LOC114841035: variants seen among roughly 807,000 people sequenced by gnomAD.
chr11:64,243,321 G>A, the LOC114841035 span: 1 of 1,600,874 alleles, frequency 6.2e-7, no homozygotes, highest in African/African-American at 1.3e-5. Flanking sequence ...GGTGAGTCAT[G>A]GGGGAATGGG....
the LOC114841035 span, chr11:64,241,735 T>G: frequency 1.3e-5 from 2 of 152,154 alleles, no homozygotes; most frequent in Non-Finnish European, 2.9e-5. Flanking sequence ...GGCCGAGAAC[T>G]CCACCGGGAG....
At chr11:64,243,470 C>T in the LOC114841035 span, 3 of 1,613,860 alleles carry the variant, frequency 1.9e-6, no homozygotes, top group Admixed American at 1.7e-5. Flanking sequence ...GGGGGAAAAG[C>T]GCAAGCTGGT....
At chr11:64,241,958 G>C in the LOC114841035 span, 1 of 157,988 alleles carries the variant, frequency 6.3e-6, no homozygotes, top group Admixed American at 6.5e-5. Context: ...GGCCGCAGAG[G>C]TGTTGGTGTG....
At chr11:64,241,158 G>C in the LOC114841035 span, 6 of 152,564 alleles carry the variant, frequency 3.9e-5, no homozygotes, top group African/African-American at 1.2e-4. Context: ...AGCCCGGGCT[G>C]GGGGGAGCCG....
chr11:64,243,916 C>CCCACCT, the LOC114841035 span: 1 of 1,614,024 alleles, frequency 6.2e-7, no homozygotes, highest in Non-Finnish European at 8.5e-7. Flanking sequence ...CTGCAGCCAG[C>CCCACCT]CCACCTCCCT....
At chr11:64,243,494 C>G in the LOC114841035 span, 1 of 1,613,766 alleles carries the variant, frequency 6.2e-7, no homozygotes, top group Non-Finnish European at 8.5e-7. Flanking sequence ...CCCATCCGAG[C>G]TAGGTAAGAG....
the LOC114841035 span, chr11:64,242,617 C>G: frequency 1.3e-6 from 2 of 1,488,482 alleles, no homozygotes; most frequent in Non-Finnish European, 1.8e-6. Context: ...CCAGAGAGTG[C>G]TTGGGAGTCT....
chr11:64,243,325 G>A, the LOC114841035 span: 4 of 1,599,816 alleles, frequency 2.5e-6, no homozygotes, highest in African/African-American at 2.7e-5. Flanking sequence ...AGTCATGGGG[G>A]AATGGGCTTG....
the LOC114841035 span, chr11:64,243,789 A>C: frequency 1.2e-6 from 2 of 1,607,928 alleles, no homozygotes; most frequent in Non-Finnish European, 1.7e-6. Context: ...CTTTGCCCAC[A>C]CTGGAAGGGA....
chr11:64,243,853 G>A, the LOC114841035 span: 17 of 1,614,008 alleles, frequency 1.1e-5, no homozygotes, highest in African/African-American at 2.7e-5. Flanking sequence ...TATGGAGAGC[G>A]GGGAGCTCCC....
At chr11:64,243,332 C>T in the LOC114841035 span, 2 of 1,598,676 alleles carry the variant, frequency 1.3e-6, no homozygotes, top group Middle Eastern at 1.7e-4. Flanking sequence ...GGGGAATGGG[C>T]TTGGGAGTGG....
chr11:64,243,830 A>G, the LOC114841035 span: 2 of 1,614,042 alleles, frequency 1.2e-6, no homozygotes, highest in Non-Finnish European at 1.7e-6. Flanking sequence ...TTCTTTGTGC[A>G]TCTTCAACAG....
chr11:64,242,474 G>A, the LOC114841035 span: 1 of 1,553,244 alleles, frequency 6.4e-7, no homozygotes, highest in Non-Finnish European at 8.6e-7. Flanking sequence ...AGGGCAAAAG[G>A]AAGCTGCAGA....
chr11:64,243,970 G>A, the LOC114841035 span: 287 of 1,613,952 alleles, frequency 1.8e-4, no homozygotes, highest in Non-Finnish European at 1.9e-4. Context: ...CCCTACAGGT[G>A]GTGCAACCCT....
the LOC114841035 span, chr11:64,242,018 G>C: frequency 1.1e-5 from 2 of 174,986 alleles, no homozygotes; most frequent in Non-Finnish European, 2.4e-5. Flanking sequence ...CCCAGTCGGG[G>C]CAACTGCAGT....
chr11:64,242,027 G>A, the LOC114841035 span: 3 of 183,922 alleles, frequency 1.6e-5, no homozygotes, highest in South Asian at 1.3e-4. Flanking sequence ...GGCAACTGCA[G>A]TGCAGCCAGA....
At chr11:64,242,278 C>A in the LOC114841035 span, 2 of 1,153,332 alleles carry the variant, frequency 1.7e-6, no homozygotes, top group Non-Finnish European at 1.2e-6. Flanking sequence ...TCCCCCGGGG[C>A]AAGGAAGATA....
At chr11:64,242,582 T>G in the LOC114841035 span, 1 of 1,522,462 alleles carries the variant, frequency 6.6e-7, no homozygotes. Flanking sequence ...GCGGGCCTTT[T>G]GGGAGTGGGT....
At chr11:64,243,324 G>A in the LOC114841035 span, 37 of 1,600,642 alleles carry the variant, frequency 2.3e-5, no homozygotes, top group Non-Finnish European at 3.1e-5. Flanking sequence ...GAGTCATGGG[G>A]GAATGGGCTT....
Sources: gnomAD v4.1 joint callset for allele counts on GRCh38, gnomAD v4.1.1 for gene constraint, MANE v1.5 for transcripts.